Variants in FUT8 observed in about 807,000 individuals in gnomAD.
The protein encoded by FUT8 is alpha-(1,6)-fucosyltransferase.
Under a neutral mutation model 71.3 loss-of-function variants are expected in FUT8, and 29 were observed. The ratio of observed to expected loss-of-function variants is 0.41; its 90% CI spans 0.30 to 0.55. FUT8 has a LOEUF of 0.55. Among genes scored for constraint, FUT8 ranks in the 20% least tolerant of loss-of-function variants. FUT8 has a pLI of 0.34. For synonymous variants in FUT8, 254 were observed against 239.3 expected (o/e 1.06, Z -0.57); for missense variants, 544 against 702.1 (o/e 0.77, Z 2.55).
intron 5 of FUT8, among the ~76,000 whole-genome samples, chr14:65,621,491 G>A (rs961985515): frequency 6.6e-6 from 1 of 151,920 alleles, no homozygotes; most frequent in Non-Finnish European, 1.5e-5. Context: ...CTTGTGATCT[G>A]CCCGCCTTGG....
chr14:65,542,428 C>T (rs1884728819), intron 2 of FUT8, among the ~76,000 whole-genome samples: 2 of 152,160 alleles, frequency 1.3e-5, no homozygotes. Flanking sequence ...TTTAGCATAT[C>T]AAACTGAGCC....
At chr14:65,533,466 G>A (rs1280636336) in intron 2 of FUT8, among the ~76,000 whole-genome samples, 1 of 152,116 alleles carries the variant, frequency 6.6e-6, no homozygotes, top group African/African-American at 2.4e-5. Context: ...GGCTGTTGTT[G>A]CTGTATAGGA....
chr14:65,402,759 A>C, the FUT8 span, among the ~76,000 whole-genome samples: 4 of 152,128 alleles, frequency 2.6e-5, no homozygotes, highest in African/African-American at 9.7e-5. Context: ...TCAGCCTCTT[A>C]AAGTGCTGGG....
At chr14:65,486,718 A>C (rs2066414232) in intron 2 of FUT8, among the ~76,000 whole-genome samples, 1 of 152,224 alleles carries the variant, frequency 6.6e-6, no homozygotes, top group African/African-American at 2.4e-5. Context: ...TAACTGGGTA[A>C]GTTTTTTAAA....
intron 3 of FUT8, among the ~76,000 whole-genome samples, chr14:65,575,462 G>C (rs4383066): frequency 6.6e-6 from 1 of 151,976 alleles, no homozygotes; most frequent in East Asian, 1.9e-4. Context: ...ATTTTGATAG[G>C]ATATCCAAAT....
At chr14:65,404,819 A>G in the FUT8 span, among the ~76,000 whole-genome samples, 1 of 152,220 alleles carries the variant, frequency 6.6e-6, no homozygotes, top group South Asian at 2.1e-4. Flanking sequence ...AGCCTAACTC[A>G]ATATAGTTTA....
chr14:65,596,323 G>A (rs1296003176), intron 3 of FUT8, among the ~76,000 whole-genome samples: 1 of 152,184 alleles, frequency 6.6e-6, no homozygotes, highest in Non-Finnish European at 1.5e-5. Context: ...TTGGATGTGA[G>A]TGTGTATAGT....
intron 3 of FUT8, among the ~76,000 whole-genome samples, chr14:65,568,048 G>C (rs56192128): frequency 0.058 from 8,835 of 151,658 alleles, 310 homozygotes; most frequent in Admixed American, 0.11. Context: ...GTGGTGGCGA[G>C]GAAGGAGAAC....
intron 6 of FUT8, among the ~76,000 whole-genome samples, chr14:65,644,073 A>G (rs1009363855): frequency 3.3e-5 from 5 of 152,078 alleles, no homozygotes; most frequent in African/African-American, 1.2e-4. Flanking sequence ...AAGACTCAAG[A>G]TGGAATTTCT....
intron 7 of FUT8, among the ~76,000 whole-genome samples, chr14:65,673,997 G>T (rs533397576): frequency 6.6e-6 from 1 of 152,210 alleles, no homozygotes; most frequent in Non-Finnish European, 1.5e-5. Context: ...AAACTACTAA[G>T]ATGTCTGTTG....
At chr14:65,429,476 TAA>T (rs924293323) in intron 1 of FUT8, among the ~76,000 whole-genome samples, 6 of 152,200 alleles carry the variant, frequency 3.9e-5, no homozygotes, top group African/African-American at 1.4e-4. Context: ...CCAATGTAGG[TAA>T]ACCACTTTTT....
chr14:65,395,728 C>A, the FUT8 span, among the ~76,000 whole-genome samples: 1 of 152,228 alleles, frequency 6.6e-6, no homozygotes. Flanking sequence ...CTCTGACATG[C>A]CCTGGAGGCA....
At chr14:65,414,925 A>T (rs1285233188) in intron 1 of FUT8, among the ~76,000 whole-genome samples, 1 of 152,210 alleles carries the variant, frequency 6.6e-6, no homozygotes, top group Non-Finnish European at 1.5e-5. Context: ...TTTTGAGGAT[A>T]TTTTTGAATT....
intron 2 of FUT8, chr14:65,488,434 C>T (rs1391917885): frequency 6.6e-6 from 1 of 152,180 alleles, no homozygotes; most frequent in Non-Finnish European, 1.5e-5. Flanking sequence ...AGTTTTGTGA[C>T]TGAAAGGATC....
intron 6 of FUT8, among the ~76,000 whole-genome samples, chr14:65,640,544 A>C (rs1388425210): frequency 6.6e-6 from 1 of 152,164 alleles, no homozygotes. Context: ...ATCTGTCAAC[A>C]GTATTTACTC....
intron 6 of FUT8, among the ~76,000 whole-genome samples, chr14:65,640,304 A>C (rs1232712198): frequency 6.6e-6 from 1 of 152,006 alleles, no homozygotes; most frequent in Non-Finnish European, 1.5e-5. Flanking sequence ...GCAGATGGTA[A>C]ATACTAGAGC....
At chr14:65,466,167 T>C (rs1217736207) in intron 2 of FUT8, among the ~76,000 whole-genome samples, 1 of 152,192 alleles carries the variant, frequency 6.6e-6, no homozygotes, top group Admixed American at 6.5e-5. Context: ...GTCTTCATCT[T>C]TATATTTAGA....
At chr14:65,509,704 T>C (rs1260870069) in intron 2 of FUT8, among the ~76,000 whole-genome samples, 2 of 152,180 alleles carry the variant, frequency 1.3e-5, no homozygotes, top group Non-Finnish European at 2.9e-5. Context: ...GGACTGCTTT[T>C]TAAATTTCTT....
chr14:65,377,786 G>A, the FUT8 span, among the ~76,000 whole-genome samples: 5 of 152,012 alleles, frequency 3.3e-5, no homozygotes, highest in Admixed American at 1.3e-4. Context: ...CCCTCCCACC[G>A]AGCACATGAC....
Sources: allele counts gnomAD v4.1 joint callset (sites outside exome capture counted in the v4.1 genomes callset), GRCh38; gene constraint gnomAD v4.1.1; transcripts MANE v1.5; gene names NCBI Gene and HGNC (gene_info 2026-07-23, HGNC 2026-07-21).